KANSL1: variants seen among roughly 807,000 people sequenced by gnomAD.
The protein encoded by KANSL1 is KAT8 regulatory NSL complex subunit 1.
KANSL1 carries 22 observed loss-of-function variants against 103.6 expected under a neutral mutation model. That is an observed-to-expected ratio of 0.21 (90% confidence interval 0.15 to 0.30). The LOEUF is 0.30. Ranked by LOEUF, KANSL1 falls within the 10% of genes least tolerant of loss-of-function variation. KANSL1 has a pLI of 1.00. For missense variants in KANSL1, 1,337 were observed against 1,399.8 expected, an observed-to-expected ratio of 0.96 and a Z score of 0.72; for synonymous variants, 600 against 527.6, an observed-to-expected ratio of 1.14 and a Z score of -1.88.
intron 2 of KANSL1, among the ~76,000 whole-genome samples, chr17:46,128,115 C>T (rs1469125043): frequency 3.3e-5 from 5 of 152,046 alleles, no homozygotes; most frequent in South Asian, 2.1e-4. Flanking sequence ...TGTGCCTGGT[C>T]GCTTCCCTAA....
intron 10 of KANSL1, chr17:46,034,525 T>TC: frequency 2.3e-6 from 1 of 434,100 alleles, no homozygotes; most frequent in Non-Finnish European, 4.2e-6. Context: ...CTGGTCACCC[T>TC]CTTCCTTCAA....
chr17:46,219,770 G>A (rs1439431286), intron 1 of KANSL1, among the ~76,000 whole-genome samples: 2 of 152,222 alleles, frequency 1.3e-5, no homozygotes, highest in Non-Finnish European at 2.9e-5. Flanking sequence ...CCTAGATTAT[G>A]GGCCCTTTTG....
intron 2 of KANSL1, among the ~76,000 whole-genome samples, chr17:46,130,144 G>GCCA (rs1460670566): frequency 7.1e-6 from 1 of 140,188 alleles, no homozygotes; most frequent in Non-Finnish European, 1.5e-5. Flanking sequence ...CTGAGATGGT[G>GCCA]CCACTGAACT....
chr17:46,093,902 C>T (rs1407363247), intron 3 of KANSL1: 2 of 152,226 alleles, frequency 1.3e-5, no homozygotes, highest in Non-Finnish European at 2.9e-5. Context: ...GTACATCTTA[C>T]CATCAGTAGC....
At chr17:46,220,742 A>G (rs2048506541) in intron 1 of KANSL1, among the ~76,000 whole-genome samples, 1 of 152,186 alleles carries the variant, frequency 6.6e-6, no homozygotes, top group Admixed American at 6.5e-5. Context: ...GCTGGAGGAC[A>G]GCGGCGTGAT....
intron 2 of KANSL1, among the ~76,000 whole-genome samples, chr17:46,129,719 T>C (rs2043752494): frequency 6.6e-6 from 1 of 152,156 alleles, no homozygotes; most frequent in Non-Finnish European, 1.5e-5. Context: ...ATTTGCAAAA[T>C]TGTAAGATTA....
chr17:46,185,233 G>C (rs1481611470), intron 1 of KANSL1, among the ~76,000 whole-genome samples: 1 of 152,186 alleles, frequency 6.6e-6, no homozygotes, highest in African/African-American at 2.4e-5. Context: ...TAAGCAACCT[G>C]AGCATTCTAT....
At chr17:46,129,385 A>G (rs1290641630) in intron 2 of KANSL1, among the ~76,000 whole-genome samples, 2 of 152,220 alleles carry the variant, frequency 1.3e-5, no homozygotes, top group Non-Finnish European at 2.9e-5. Flanking sequence ...AACTCAAAGC[A>G]CCACCTGTCT....
At chr17:46,080,312 TAAAAAAAAAAAA>T (rs35520207) in intron 4 of KANSL1, among the ~76,000 whole-genome samples, 1 of 77,776 alleles carries the variant, frequency 1.3e-5, no homozygotes, top group East Asian at 3.0e-4. Context: ...GAGCCTGTCT[TAAAAAAAAAAAA>T]AAAAAAAAAA....
chr17:46,108,010 T>C (rs1351734433), intron 2 of KANSL1, among the ~76,000 whole-genome samples: 1 of 152,182 alleles, frequency 6.6e-6, no homozygotes, highest in Non-Finnish European at 1.5e-5. Context: ...TCTAGATGAG[T>C]CCAAGAGCCT....
chr17:46,094,912 C>T (rs1282112008), intron 2 of KANSL1, among the ~76,000 whole-genome samples: 4 of 152,218 alleles, frequency 2.6e-5, no homozygotes, highest in African/African-American at 7.2e-5. Flanking sequence ...TTAAGTGGAA[C>T]TGCGTTCTAG....
At chr17:46,177,540 T>G (rs1299363826) in intron 1 of KANSL1, among the ~76,000 whole-genome samples, 1 of 152,202 alleles carries the variant, frequency 6.6e-6, no homozygotes, top group Non-Finnish European at 1.5e-5. Context: ...TTTACTAACA[T>G]AGAAAAGTGC....
intron 7 of KANSL1, chr17:46,045,107 TG>T (rs1236665750): frequency 1.4e-4 from 21 of 152,042 alleles, no homozygotes; most frequent in African/African-American, 5.1e-4. Context: ...ACCACACAAA[TG>T]TTTGACCTAC....
At chr17:46,182,395 G>GA (rs2046834778) in intron 1 of KANSL1, among the ~76,000 whole-genome samples, 2 of 152,220 alleles carry the variant, frequency 1.3e-5, no homozygotes, top group South Asian at 4.1e-4. Context: ...CTACATTATG[G>GA]AATGCACTGC....
intron 4 of KANSL1, among the ~76,000 whole-genome samples, chr17:46,079,216 G>A (rs2078897476): frequency 6.6e-6 from 1 of 152,004 alleles, no homozygotes; most frequent in Non-Finnish European, 1.5e-5. Flanking sequence ...CATAGGTTGG[G>A]TCCTTTTAGA....
intron 3 of KANSL1, among the ~76,000 whole-genome samples, chr17:46,088,839 T>C (rs2079265375): frequency 6.6e-6 from 1 of 152,252 alleles, no homozygotes. Flanking sequence ...CAAAGAACTA[T>C]GATCTGGCCA....
At chr17:46,131,305 G>A (rs761566678) in intron 2 of KANSL1, among the ~76,000 whole-genome samples, 2 of 152,216 alleles carry the variant, frequency 1.3e-5, no homozygotes, top group Non-Finnish European at 2.9e-5. Context: ...AGGCTAACAT[G>A]ATGTCCATCT....
rs893210793 is a variant in KANSL1 at position 46,039,631 on chromosome 17, A to C, written c.2203+71T>G. The stretch of plus-strand genomic sequence containing the variant: ...CAACCCCAACATGCATGCAAACTAC[A>C]AATTTGAGAATATAAAAGGAATGAA... On this transcript the variant is annotated intron_variant, in intron 8 of 14. Coordinates refer to ENST00000432791, the MANE Select transcript of KANSL1 (RefSeq NM_015443.4). The C allele has an allele frequency of 3.9e-6, 6 of 1,525,094 alleles. No individual in the cohort carries two copies. The African/African-American group carries it at 6.9e-5, about 18-fold the overall frequency. The allele number at this position is 1,525,094 out of a possible 1,614,324, so 94.5% of individuals were successfully genotyped here.
chr17:46,092,737 G>GGGGT (rs2079457038), intron 3 of KANSL1: 1 of 99,756 alleles, frequency 1.0e-5, no homozygotes, highest in African/African-American at 3.8e-5. Flanking sequence ...GGGAGGGTGG[G>GGGGT]TGTCTTTTAT....
Sources: allele counts gnomAD v4.1 joint callset (sites outside exome capture counted in the v4.1 genomes callset), GRCh38; gene constraint gnomAD v4.1.1; transcripts MANE v1.5; gene names NCBI Gene and HGNC (gene_info 2026-07-23, HGNC 2026-07-21).